FER: variants seen among roughly 807,000 people sequenced by gnomAD.
FER encodes the protein tyrosine-protein kinase Fer.
FER carries 63 observed loss-of-function variants against 111.0 expected under a neutral mutation model. The observed-to-expected ratio is 0.57, with a 90% CI of 0.46 to 0.70. FER has a LOEUF of 0.70. Among genes scored for constraint, FER ranks in the 30% least tolerant of loss-of-function variants. The pLI is 0.00. For synonymous variants in FER, 327 were observed against 313.9 expected, an observed-to-expected ratio of 1.04 and a Z score of -0.44; for missense variants, 914 against 954.0, an observed-to-expected ratio of 0.96 and a Z score of 0.55.
chr5:109,175,371 C>T (rs944271916), intron 17 of FER, among the ~76,000 whole-genome samples: 1 of 151,990 alleles, frequency 6.6e-6, no homozygotes, highest in African/African-American at 2.4e-5. Flanking sequence ...AAAACTAAAG[C>T]TAAGAGTAAG....
chr5:108,865,865 G>A lies in FER; in HGVS notation c.482-1902G>A, dbSNP rs555354221. Among the ~76,000 whole-genome samples the A allele has an allele frequency of 2.1e-3, 318 of 152,304 alleles. 2 individuals carry two copies. The highest frequency in any genetic ancestry group is 7.2e-3 in the South Asian group (35 of 4,830). On this transcript the variant is annotated intron_variant, in intron 5 of 19. Coordinates refer to ENST00000281092, the MANE Select transcript of FER (RefSeq NM_005246.4). The stretch of plus-strand genomic sequence containing the variant: ...CACCATCACTGGCCATCAGAGAAAT[G>A]CAAATCAAAACCACAATGAGATACC...
Position 109,157,938 on chromosome 5 carries a change from C to T in FER, c.2049-22809C>T, listed in dbSNP as rs74681388. 8.2e-3 allele frequency among the ~76,000 whole-genome samples: 1,251 copies of T among 151,740 alleles called. 18 individuals carry two copies. The highest frequency in any genetic ancestry group is 0.028 in the African/African-American group (1,162 of 41,352). ...GATTACTATTCAGTGAGATACGTGA[C>T]GAATATTGCTATGGTATCATAGAAA... On this transcript the variant is annotated intron_variant, in intron 17 of 19. Transcript: ENST00000281092.
intron 16 of FER, among the ~76,000 whole-genome samples, chr5:109,049,937 G>T (rs1236445129): frequency 1.3e-5 from 2 of 152,218 alleles, no homozygotes; most frequent in South Asian, 4.1e-4. Context: ...CAAAGTTGCT[G>T]GTCACTCCAA....
intron 13 of FER, among the ~76,000 whole-genome samples, chr5:109,004,725 G>A (rs1459975354): frequency 6.6e-6 from 1 of 152,030 alleles, no homozygotes; most frequent in Non-Finnish European, 1.5e-5. Context: ...CTATTATAAT[G>A]TACTACTGTT....
intron 2 of FER, among the ~76,000 whole-genome samples, chr5:108,789,452 A>G (rs1040023951): frequency 2.6e-5 from 4 of 151,802 alleles, no homozygotes; most frequent in African/African-American, 9.7e-5. Flanking sequence ...ATTCTAAATC[A>G]TGATCATTAT....
intron 16 of FER, among the ~76,000 whole-genome samples, chr5:109,062,229 A>C (rs766016022): frequency 1.3e-5 from 2 of 152,222 alleles, no homozygotes; most frequent in Admixed American, 6.5e-5. Context: ...TTAAAAGAAT[A>C]TTTCTAGTCC....
chr5:109,101,470 C>T (rs947715936), intron 17 of FER, among the ~76,000 whole-genome samples: 3 of 151,990 alleles, frequency 2.0e-5, no homozygotes, highest in African/African-American at 7.2e-5. Flanking sequence ...ATCACCTTAA[C>T]TATACATTTA....
intron 3 of FER, among the ~76,000 whole-genome samples, chr5:108,817,174 A>G (rs1168765103): frequency 6.8e-6 from 1 of 146,840 alleles, no homozygotes; most frequent in Non-Finnish European, 1.5e-5. Context: ...AGAGTTGTGA[A>G]CCACTAGTCC....
chr5:109,080,154 C>T (rs887176089), intron 16 of FER, among the ~76,000 whole-genome samples: 1 of 152,030 alleles, frequency 6.6e-6, no homozygotes, highest in Admixed American at 6.6e-5. Context: ...CATGTCATAA[C>T]ATAAAAATAA....
chr5:108,821,292 A>G (rs1157809024), intron 3 of FER, among the ~76,000 whole-genome samples: 2 of 152,174 alleles, frequency 1.3e-5, no homozygotes, highest in African/African-American at 2.4e-5. Context: ...AGATAGGAAC[A>G]TGCTTATAAA....
chr5:108,988,175 C>A (rs1762786897), intron 13 of FER, among the ~76,000 whole-genome samples: 2 of 152,066 alleles, frequency 1.3e-5, no homozygotes, highest in Admixed American at 1.3e-4. Flanking sequence ...TTTTGATATT[C>A]TGTTGGATTC....
At chr5:109,018,863 C>T (rs1767548906) in intron 13 of FER, among the ~76,000 whole-genome samples, 1 of 151,380 alleles carries the variant, frequency 6.6e-6, no homozygotes. Flanking sequence ...CTTGTTTGGA[C>T]AAATAGTAGA....
At chr5:109,011,913 C>T (rs1766323609) in intron 13 of FER, among the ~76,000 whole-genome samples, 1 of 152,192 alleles carries the variant, frequency 6.6e-6, no homozygotes, top group Non-Finnish European at 1.5e-5. Context: ...CTGTTTCTGA[C>T]AGCCACTATG....
intron 10 of FER, among the ~76,000 whole-genome samples, chr5:108,927,373 G>A (rs1362308805): frequency 6.7e-6 from 1 of 149,506 alleles, no homozygotes; most frequent in Non-Finnish European, 1.5e-5. Context: ...CCATTGTTCT[G>A]CCTCAGCCTC....
chr5:109,105,230 TTGTGTGTGTGTGTGTGTGTGTGTGTGTG>T lies in FER; in HGVS notation c.2048+4733_2048+4760del, dbSNP rs72106747. Among the ~76,000 whole-genome samples, 1,156 of 138,642 alleles carry T rather than the reference TTGTGTGTGTGTGTGTGTGTGTGTGTGTG, an allele frequency of 8.3e-3. 8 individuals carry two copies. The highest frequency in any genetic ancestry group is 0.028 in the South Asian group (117 of 4,152). 91.0% of individuals were successfully genotyped at this position (138,642 alleles called of 152,430 possible). On this transcript the variant is annotated intron_variant, in intron 17 of 19. Coordinates refer to ENST00000281092, the MANE Select transcript of FER (RefSeq NM_005246.4). The stretch of plus-strand genomic sequence containing the variant: ...GTAAGATACTGCTTCCAGCTTATAT[TTGTGTGTGTGTGTGTGTGTGTGTGTGTG>T]TGTGTGTGTGTGTGTGTGTGTTTTG...
intron 16 of FER, among the ~76,000 whole-genome samples, chr5:109,066,371 T>TA (rs1430689850): frequency 3.9e-5 from 6 of 152,188 alleles, no homozygotes; most frequent in Admixed American, 2.0e-4. Flanking sequence ...TTTACATCTT[T>TA]ATATGTGCTT....
At chr5:108,969,760 T>G (rs145672285) in intron 13 of FER, among the ~76,000 whole-genome samples, 1,777 of 148,100 alleles carry the variant, frequency 0.012, 324 homozygotes, top group African/African-American at 0.045. Flanking sequence ...TCATGCTATA[T>G]ATTGTTAAAG....
chr5:108,863,620 T>TA (rs1357040129), intron 5 of FER, among the ~76,000 whole-genome samples: 2 of 152,150 alleles, frequency 1.3e-5, no homozygotes, highest in African/African-American at 4.8e-5. Context: ...ATTGCTAAGT[T>TA]AAAAAATTGT....
chr5:108,805,385 A>C (rs1757097385), intron 3 of FER, among the ~76,000 whole-genome samples: 1 of 152,190 alleles, frequency 6.6e-6, no homozygotes, highest in African/African-American at 2.4e-5. Flanking sequence ...CAGCAGCATG[A>C]AAACAGATTA....
Sources: gnomAD v4.1 joint callset for allele counts (sites outside exome capture counted in the v4.1 genomes callset) on GRCh38, gnomAD v4.1.1 for gene constraint, MANE v1.5 for transcripts, NCBI Gene and HGNC (gene_info 2026-07-23, HGNC 2026-07-21) for gene names.